The following BEND7 variants were observed in gnomAD, a reference collection of about 807,000 sequenced individuals.
BEND7 encodes the protein BEN domain containing 7, also known as BEN domain-containing protein 7.
In BEND7, 28 loss-of-function variants were observed where a neutral mutation model predicts 50.9. That is an observed-to-expected ratio of 0.55 (90% CI 0.41 to 0.75). BEND7 has a LOEUF of 0.75. BEND7 is among the 30% of genes least tolerant of loss of function. The pLI is 0.00. For missense variants in BEND7, 477 were observed against 491.3 expected (o/e 0.97, Z 0.28); for synonymous variants, 170 against 183.9 (o/e 0.92, Z 0.61).
At chr10:13,515,475 G>C (rs966531259) in intron 2 of BEND7, among the ~76,000 whole-genome samples, 3 of 152,122 alleles carry the variant, frequency 2.0e-5, no homozygotes, top group Non-Finnish European at 4.4e-5. Context: ...GCAATACCAA[G>C]AAAACAATTT....
intron 2 of BEND7, among the ~76,000 whole-genome samples, chr10:13,520,901 G>A (rs915994652): frequency 5.3e-5 from 8 of 152,184 alleles, no homozygotes; most frequent in Admixed American, 1.3e-4. Flanking sequence ...ATGTTTATGT[G>A]CACATAAATT....
intron 3 of BEND7, among the ~76,000 whole-genome samples, chr10:13,498,107 G>A (rs555852393): frequency 1.8e-3 from 236 of 127,838 alleles, no homozygotes; most frequent in Middle Eastern, 0.01. Context: ...ACAGGGTCTC[G>A]CTCTGCTGCA....
chr10:13,474,525 ATACCCGTCACCGCTGTTGGACTCGGGTTG>A (rs1437710063), intron 6 of BEND7, among the ~76,000 whole-genome samples: 51 of 136,554 alleles, frequency 3.7e-4, no homozygotes, highest in African/African-American at 1.3e-3. Flanking sequence ...ACTCGGGTCG[ATACCCGTCACCGCTGTTGGACTCGGGTTG>A]ATACCCGTCA....
At chr10:13,511,953 G>A (rs940933429) in intron 2 of BEND7, among the ~76,000 whole-genome samples, 2 of 152,138 alleles carry the variant, frequency 1.3e-5, no homozygotes, top group African/African-American at 2.4e-5. Flanking sequence ...CTATCAAGCC[G>A]GTGTCCAGGG....
At chr10:13,450,693 T>C (rs573729987) in intron 7 of BEND7, among the ~76,000 whole-genome samples, 16 of 152,020 alleles carry the variant, frequency 1.1e-4, no homozygotes, top group African/African-American at 3.1e-4. Flanking sequence ...TCTAAACCAG[T>C]GGTCAAAAGT....
intron 2 of BEND7, chr10:13,503,036 G>T: frequency 1.7e-6 from 1 of 590,932 alleles, no homozygotes; most frequent in Non-Finnish European, 2.1e-6. Context: ...ACCTTCTGAG[G>T]GCAAATCTGC....
intron 2 of BEND7, among the ~76,000 whole-genome samples, chr10:13,506,268 C>A (rs1018723726): frequency 6.6e-6 from 1 of 152,228 alleles, no homozygotes; most frequent in Non-Finnish European, 1.5e-5. Context: ...TGGATCCTGC[C>A]TTCCCTGTTG....
chr10:13,489,800 G>A (rs1349364049), intron 5 of BEND7, among the ~76,000 whole-genome samples: 1 of 152,192 alleles, frequency 6.6e-6, no homozygotes, highest in Admixed American at 6.5e-5. Flanking sequence ...CAGTGAAATT[G>A]AGGAGGGGGC....
At chr10:13,500,837 GA>G (rs2077391269) in intron 2 of BEND7, 2 of 985,370 alleles carry the variant, frequency 2.0e-6, no homozygotes, top group Non-Finnish European at 2.4e-6. Flanking sequence ...ACCAGCACTG[GA>G]AGGGCGGAAG....
intron 6 of BEND7, among the ~76,000 whole-genome samples, chr10:13,472,087 C>T (rs1012855269): frequency 6.6e-6 from 1 of 151,472 alleles, no homozygotes. Context: ...CTGTTAGACT[C>T]GGGGTCGATA....
chr10:13,502,896 CACTA>C (rs1226899372), intron 2 of BEND7: 1 of 985,534 alleles, frequency 1.0e-6, no homozygotes, highest in Non-Finnish European at 1.2e-6. Flanking sequence ...TGCTTCTCTA[CACTA>C]ACTGACACAT....
chr10:13,456,456 G>A (rs578233169), intron 6 of BEND7, among the ~76,000 whole-genome samples: 155 of 152,312 alleles, frequency 1.0e-3, no homozygotes, highest in African/African-American at 3.2e-3. Context: ...ACTGGGGAGC[G>A]AGAGGAAGAC....
At chr10:13,447,456 G>T (rs368136950) in intron 7 of BEND7, 140 bp from the exon 8 acceptor site, 8 of 691,908 alleles carry the variant, frequency 1.2e-5, no homozygotes, top group African/African-American at 5.6e-5. Flanking sequence ...GCTACCGTTG[G>T]TTCATATTAC....
rs565665593 is a variant in BEND7 at position 13,480,387 on chromosome 10, C to T, written c.1063+512G>A. Among the ~76,000 whole-genome samples, 70 of 152,202 alleles carry T rather than the reference C, an allele frequency of 4.6e-4. 1 individual carries two copies. Among genetic ancestry groups the T allele is most frequent in the African/African-American group, 1.5e-3 (61 of 41,496 alleles). ...CGGCACAAAACAAGAGGGAGAAGAG[C>T]GGGCCAGGCATGTGTGGGGACGCAC... On this transcript the variant is annotated intron_variant, in intron 6 of 8. Transcript: ENST00000466271.
At position 13,455,754 on chromosome 10, in the gene BEND7, G is replaced by A. The variant is rs1375604606; in HGVS notation, c.1064-3096C>T. 3.3e-5 allele frequency among the ~76,000 whole-genome samples: 5 copies of A among 152,184 alleles called. No homozygotes were observed. In the East Asian group the frequency reaches 5.8e-4, roughly 18 times the overall value. ...GAACCCACGGAAAGGGAAGATGGTC[G>A]ATTCAGAAGTGGTTCTAGGCTGGAG... On this transcript the variant is annotated intron_variant, in intron 6 of 8. Coordinates refer to ENST00000466271, the MANE Select transcript of BEND7 (RefSeq NM_001369863.1).
chr10:13,479,068 G>A (rs891625676), intron 6 of BEND7, among the ~76,000 whole-genome samples: 1 of 149,240 alleles, frequency 6.7e-6, no homozygotes, highest in African/African-American at 2.5e-5. Flanking sequence ...GTACAATGGT[G>A]CGATCTCAGC....
intron 1 of BEND7, 97 bp from the exon 2 acceptor site, chr10:13,526,318 T>G (rs1222969311): frequency 2.0e-5 from 7 of 346,320 alleles, no homozygotes; most frequent in Non-Finnish European, 2.9e-5. Context: ...GTTTGTATAC[T>G]CTATAATTTA....
chr10:13,477,968 G>A (rs899642237), intron 6 of BEND7, among the ~76,000 whole-genome samples: 7 of 152,136 alleles, frequency 4.6e-5, no homozygotes, highest in Non-Finnish European at 8.8e-5. Context: ...ATAAACTGAC[G>A]GCAGATAAGT....
rs74122760 is a variant in BEND7 at position 13,473,628 on chromosome 10, C to T, written c.1063+7271G>A. ...CCTGTCATCGCTGTTAGACTCAGGGCCGATTCGTCATCGCTGTGAGACTTG... is the reference window on the plus strand; with the variant it reads ...CCTGTCATCGCTGTTAGACTCAGGGTCGATTCGTCATCGCTGTGAGACTTG... On this transcript the variant is annotated intron_variant, in intron 6 of 8. Transcript: ENST00000466271. 6.2e-3 allele frequency among the ~76,000 whole-genome samples: 906 copies of T among 146,546 alleles called. 8 individuals carry two copies. The highest frequency in any genetic ancestry group is 0.022 in the African/African-American group (883 of 39,386).
Sources: allele counts gnomAD v4.1 joint callset (sites outside exome capture counted in the v4.1 genomes callset), GRCh38; gene constraint gnomAD v4.1.1; transcripts MANE v1.5; gene names NCBI Gene and HGNC (gene_info 2026-07-23, HGNC 2026-07-21).